The following CGNL1 variants were observed in gnomAD, a reference collection of about 807,000 sequenced individuals.
The protein encoded by CGNL1 is cingulin-like protein 1.
Under a neutral mutation model 141.2 loss-of-function variants are expected in CGNL1, and 132 were observed. The observed-to-expected ratio is 0.93, with a 90% CI of 0.81 to 1.08. The LOEUF (loss-of-function observed/expected upper bound fraction) is 1.08, where lower values mean the gene tolerates loss of function less well. Ranked by LOEUF, CGNL1 falls within the 50% of genes least tolerant of loss-of-function variation. The pLI, the probability that CGNL1 is intolerant of heterozygous loss-of-function variation, is 0.00. For synonymous variants in CGNL1, 690 were observed against 622.1 expected, an observed-to-expected ratio of 1.11 and a Z score of -1.63; for missense variants, 1,870 against 1,588.6, an observed-to-expected ratio of 1.18 and a Z score of -3.01.
chr15:57,415,247 T>C (rs1269858848), intron 1 of CGNL1, among the ~76,000 whole-genome samples: 4 of 152,238 alleles, frequency 2.6e-5, no homozygotes, highest in East Asian at 1.9e-4. Context: ...TCTGTGACTA[T>C]GCCATCTTGC....
intron 4 of CGNL1, among the ~76,000 whole-genome samples, chr15:57,450,819 A>G (rs904838396): frequency 6.6e-6 from 1 of 152,056 alleles, no homozygotes; most frequent in African/African-American, 2.4e-5. Context: ...GATATTTGCT[A>G]CTCTATCATG....
intron 1 of CGNL1, among the ~76,000 whole-genome samples, chr15:57,418,596 T>C (rs1423878732): frequency 6.6e-6 from 1 of 152,200 alleles, no homozygotes; most frequent in Non-Finnish European, 1.5e-5. Context: ...TGTGGGAAAC[T>C]GTCCACAGCT....
rs866090941 is a variant in CGNL1, at chr15:57,378,368, T to G, written c.-16+1801T>G. 5.7e-3 allele frequency among the ~76,000 whole-genome samples: 263 copies of G among 46,158 alleles called. 1 individual carries two copies. The highest frequency in any genetic ancestry group is 0.027 in the African/African-American group (245 of 9,232). The allele number at this position is 46,158 out of a possible 152,430, so 30.3% of individuals were successfully genotyped here. ...TAGGGGGTGGCCCTCTATGTGTTTT[T>G]TTTTTTTTTTTTTTTTTTTTTTTTT... On this transcript the variant is annotated intron_variant, in intron 1 of 18. Coordinates refer to ENST00000281282, the MANE Select transcript of CGNL1 (RefSeq NM_032866.5).
chr15:57,516,691 G>C, intron 8 of CGNL1, 89 bp from the exon 9 acceptor site: 1 of 1,383,956 alleles, frequency 7.2e-7, no homozygotes, highest in Non-Finnish European at 1.0e-6. Context: ...GGGCACAATG[G>C]GTTTTTCATA....
chr15:57,435,535 C>A (rs2063096648), intron 1 of CGNL1, among the ~76,000 whole-genome samples: 1 of 149,910 alleles, frequency 6.7e-6, no homozygotes, highest in Admixed American at 6.7e-5. Context: ...ACTAGTATAA[C>A]TGAAAATGAA....
intron 8 of CGNL1, among the ~76,000 whole-genome samples, chr15:57,504,156 C>T (rs1286944779): frequency 6.6e-6 from 1 of 152,194 alleles, no homozygotes; most frequent in Non-Finnish European, 1.5e-5. Context: ...AGCAGAATCA[C>T]TCCTGTCTAC....
rs2063146095 is a variant in CGNL1 at position 57,438,966 on chromosome 15, G to A, written c.967G>A (p.Ala323Thr). 6.2e-7 allele frequency: 1 copy of A among 1,614,080 alleles called. No homozygotes were observed. The highest frequency in any genetic ancestry group is 1.3e-5 in the African/African-American group (1 of 74,926). ...LLDDQECAIHADNVNRHENRR... is the reference protein window; with the variant it reads ...LLDDQECAIHTDNVNRHENRR... ...GGATGATCAGGAATGTGCCATCCATGCCGACAACGTCAATCGTCATGAAAA... is the reference window on the plus strand; with the variant it reads ...GGATGATCAGGAATGTGCCATCCATACCGACAACGTCAATCGTCATGAAAA... The change falls in exon 2 of 19, where the codon GCC becomes ACC. Residue 323 changes from alanine to threonine, a missense_variant. Transcript: ENST00000281282.
intron 1 of CGNL1, among the ~76,000 whole-genome samples, chr15:57,407,654 C>T (rs116775574): frequency 0.011 from 1,674 of 151,918 alleles, 37 homozygotes; most frequent in African/African-American, 0.038. Context: ...TTGGCCTGGG[C>T]GACAGAGTGA....
At chr15:57,445,861 T>G (rs1262821578) in intron 4 of CGNL1, among the ~76,000 whole-genome samples, 2 of 152,162 alleles carry the variant, frequency 1.3e-5, no homozygotes, top group African/African-American at 4.8e-5. Context: ...GTTATTTTCA[T>G]GGAAGAAGAA....
chr15:57,458,563 G>A (rs947598072), intron 7 of CGNL1, among the ~76,000 whole-genome samples: 2 of 152,208 alleles, frequency 1.3e-5, no homozygotes. Flanking sequence ...GAAAACATAA[G>A]TGTGGGGAGA....
chr15:57,518,699 T>G (rs2140110036), intron 10 of CGNL1, among the ~76,000 whole-genome samples: 1 of 152,272 alleles, frequency 6.6e-6, no homozygotes, highest in Admixed American at 6.5e-5. Context: ...TGAAGACAAT[T>G]TTGGTTGTCA....
intron 8 of CGNL1, among the ~76,000 whole-genome samples, chr15:57,500,961 A>T (rs560623808): frequency 1.3e-5 from 2 of 152,368 alleles, no homozygotes; most frequent in Admixed American, 6.5e-5. Context: ...AGCCCATGAC[A>T]CTGCTAAAAT....
intron 8 of CGNL1, among the ~76,000 whole-genome samples, chr15:57,463,413 A>G (rs1177149295): frequency 6.6e-6 from 1 of 152,204 alleles, no homozygotes; most frequent in East Asian, 1.9e-4. Flanking sequence ...TAGTATTTTC[A>G]TTATGCCATT....
At chr15:57,494,887 A>G (rs1265606772) in intron 8 of CGNL1, among the ~76,000 whole-genome samples, 1 of 152,180 alleles carries the variant, frequency 6.6e-6, no homozygotes, top group Non-Finnish European at 1.5e-5. Context: ...TTCATGTATA[A>G]TTCTAACTGT....
At position 57,498,245 on chromosome 15, in the gene CGNL1, GTTTTTTTT is replaced by G. The variant is rs56793548; in HGVS notation, c.2404-18522_2404-18515del. 4.9e-5 allele frequency among the ~76,000 whole-genome samples: 5 copies of G among 101,082 alleles called. No homozygotes were observed. In the East Asian group the frequency reaches 1.4e-3, roughly 28 times the overall value. The allele number at this position is 101,082 out of a possible 152,430, so 66.3% of individuals were successfully genotyped here. A position where few individuals can be genotyped will look rare whatever the true frequency, so the allele number is the denominator to read the frequency against. The stretch of plus-strand genomic sequence containing the variant: ...CATACTTAGGTTGATTGGGGAAACA[GTTTTTTTT>G]TTTTTTTTTTTTGGAGACCAGGGTC... On this transcript the variant is annotated intron_variant, in intron 8 of 18. Coordinates refer to ENST00000281282, the MANE Select transcript of CGNL1 (RefSeq NM_032866.5).
chr15:57,509,380 C>T (rs2030020563), intron 8 of CGNL1, among the ~76,000 whole-genome samples: 1 of 152,202 alleles, frequency 6.6e-6, no homozygotes, highest in Non-Finnish European at 1.5e-5. Flanking sequence ...TGGCAGAGGC[C>T]GTGTTAATTA....
Position 57,533,704 on chromosome 15 carries a change from T to C in CGNL1, c.3291+1925T>C, listed in dbSNP as rs1595806328. Among the ~76,000 whole-genome samples, 3 of 152,356 alleles carry C rather than the reference T, an allele frequency of 2.0e-5. No individual in the cohort carries two copies. The South Asian group carries it at 6.2e-4, about 32-fold the overall frequency. On this transcript the variant is annotated intron_variant, in intron 14 of 18. Transcript: ENST00000281282. ...AGCCCAACACTGACAGAACTGATCA[T>C]GCAGAGATCTGGTCCCAGAATTGCT...
At chr15:57,393,921 T>C (rs756905690) in intron 1 of CGNL1, 1 of 139,042 alleles carries the variant, frequency 7.2e-6, no homozygotes, top group Non-Finnish European at 1.5e-5. Flanking sequence ...GTACTTAACA[T>C]GTATTAACTT....
intron 8 of CGNL1, among the ~76,000 whole-genome samples, chr15:57,508,249 C>T (rs1455026764): frequency 1.4e-5 from 2 of 142,570 alleles, no homozygotes; most frequent in African/African-American, 2.6e-5. Context: ...CAACTGAGTT[C>T]TGAACTGTAG....
Sources: allele counts gnomAD v4.1 joint callset (sites outside exome capture counted in the v4.1 genomes callset), GRCh38; gene constraint gnomAD v4.1.1; transcripts MANE v1.5; gene names NCBI Gene and HGNC (gene_info 2026-07-23, HGNC 2026-07-21).